RSU1: variants seen among roughly 807,000 people sequenced by gnomAD.
RSU1 encodes Ras suppressor protein 1.
Under a neutral mutation model 31.1 loss-of-function variants are expected in RSU1, and 26 were observed. That is an observed-to-expected ratio of 0.84 (90% confidence interval 0.61 to 1.16). RSU1 has a LOEUF of 1.16. Among genes scored for constraint, RSU1 ranks in the 50% most tolerant of loss-of-function variants. The pLI is 0.00. For synonymous variants in RSU1, 164 were observed against 136.3 expected (o/e 1.20, Z -1.41); for missense variants, 320 against 339.1 (o/e 0.94, Z 0.44).
At chr10:16,658,552 C>T (rs893126944) in intron 8 of RSU1, among the ~76,000 whole-genome samples, 3 of 151,970 alleles carry the variant, frequency 2.0e-5, no homozygotes, top group Non-Finnish European at 4.4e-5. Flanking sequence ...GGTGAAACCC[C>T]GTCTCTACTA....
intron 7 of RSU1, among the ~76,000 whole-genome samples, chr10:16,726,664 T>C (rs760291541): frequency 1.3e-5 from 2 of 152,158 alleles, no homozygotes; most frequent in African/African-American, 2.4e-5. Flanking sequence ...AATGTTTCAG[T>C]TGGTTGAAAA....
rs145107893 is a variant in RSU1, at chr10:16,640,297, A to G, written c.732-46801T>C. On this transcript the variant is annotated intron_variant, in intron 8 of 8. Transcript: ENST00000345264. ...ATTTCACACCTCCTCTTATCTAATCATCACTTAGGTGCTGCCAAATTCTCA... is the reference window on the plus strand; with the variant it reads ...ATTTCACACCTCCTCTTATCTAATCGTCACTTAGGTGCTGCCAAATTCTCA... 3.5e-3 allele frequency among the ~76,000 whole-genome samples: 537 copies of G among 152,164 alleles called. 4 individuals are homozygous for G. Among genetic ancestry groups the G allele is most frequent in the African/African-American group, 0.012 (507 of 41,494 alleles).
chr10:16,704,604 A>AAGTC lies in RSU1; in HGVS notation c.599-9453_599-9450dup, dbSNP rs1835857983. 4.6e-5 allele frequency among the ~76,000 whole-genome samples: 7 copies of AAGTC among 152,360 alleles called. 1 individual carries two copies. The South Asian group carries it at 1.4e-3, about 32-fold the overall frequency. On this transcript the variant is annotated intron_variant, in intron 7 of 8. Coordinates refer to ENST00000345264, the MANE Select transcript of RSU1 (RefSeq NM_012425.4). ...GCACTGGGGAGTTATACACAAAAAC[A>AAGTC]AGTCACTCACCTCCCTCACAGGGCC... is the stretch of plus-strand genomic sequence containing the variant.
At chr10:16,698,703 C>A (rs1206160733) in intron 7 of RSU1, among the ~76,000 whole-genome samples, 1 of 152,186 alleles carries the variant, frequency 6.6e-6, no homozygotes, top group Non-Finnish European at 1.5e-5. Flanking sequence ...CTAACTGGAG[C>A]ACACAGGAGA....
chr10:16,669,312 TA>T (rs1475051959), intron 8 of RSU1, among the ~76,000 whole-genome samples: 2 of 152,210 alleles, frequency 1.3e-5, no homozygotes, highest in East Asian at 3.9e-4. Context: ...TGCCTCACTC[TA>T]AAAGGCCCAT....
intron 7 of RSU1, among the ~76,000 whole-genome samples, chr10:16,712,684 G>A (rs1240790276): frequency 6.6e-6 from 1 of 152,108 alleles, no homozygotes; most frequent in African/African-American, 2.4e-5. Context: ...AAGTGTGGTT[G>A]TTGTTGTTTT....
intron 8 of RSU1, among the ~76,000 whole-genome samples, chr10:16,604,235 C>G (rs980169091): frequency 3.3e-5 from 5 of 152,134 alleles, no homozygotes; most frequent in African/African-American, 4.8e-5. Context: ...CAGAATAGAT[C>G]GAAGCAGAAA....
At chr10:16,761,093 C>T (rs557382475) in intron 4 of RSU1, among the ~76,000 whole-genome samples, 11 of 152,276 alleles carry the variant, frequency 7.2e-5, no homozygotes, top group South Asian at 2.1e-4. Context: ...ATCACAGGCA[C>T]GTGCCACCAC....
At chr10:16,675,145 G>A (rs2131542479) in intron 8 of RSU1, among the ~76,000 whole-genome samples, 1 of 151,422 alleles carries the variant, frequency 6.6e-6, no homozygotes, top group Non-Finnish European at 1.5e-5. Flanking sequence ...GGCGGAGGTT[G>A]CGGTGAGATT....
In RSU1 at chr10:16,722,831, C is replaced by CACATATATGTATATATACACACATATAT. The variant is rs201971639; in HGVS notation, c.599-27704_599-27677dup. ...ATACACATATATACATGTATACAGC[C>CACATATATGTATATATACACACATATAT]ACATATATGTATATATACACACATA... On this transcript the variant is annotated intron_variant, in intron 7 of 8. Transcript: ENST00000345264. Among the ~76,000 whole-genome samples the CACATATATGTATATATACACACATATAT allele has an allele frequency of 4.3e-3, 527 of 121,290 alleles. 5 individuals are homozygous for CACATATATGTATATATACACACATATAT. Among genetic ancestry groups the CACATATATGTATATATACACACATATAT allele is most frequent in the Admixed American group, 0.039 (428 of 10,924 alleles). 79.6% of individuals were successfully genotyped at this position (121,290 alleles called of 152,430 possible).
chr10:16,644,714 A>G (rs1834504730), intron 8 of RSU1, among the ~76,000 whole-genome samples: 1 of 152,214 alleles, frequency 6.6e-6, no homozygotes, highest in African/African-American at 2.4e-5. Flanking sequence ...GGGAATATTT[A>G]TGGTGAACAG....
At chr10:16,662,494 T>C (rs1309787079) in intron 8 of RSU1, among the ~76,000 whole-genome samples, 1 of 152,212 alleles carries the variant, frequency 6.6e-6, no homozygotes, top group Non-Finnish European at 1.5e-5. Context: ...CCTAATAAAA[T>C]TACACTGACA....
Position 16,816,370 on chromosome 10 carries a change from G to A in RSU1, c.109+603C>T, listed in dbSNP as rs901140669. On this transcript the variant is annotated intron_variant, in intron 2 of 8. Coordinates refer to ENST00000345264, the MANE Select transcript of RSU1 (RefSeq NM_012425.4). ...GCAATCCCTGGTTTTAAGGGAGAGGGTAACACCATAGACAGGGGTTACAGG... is the reference window on the plus strand; with the variant it reads ...GCAATCCCTGGTTTTAAGGGAGAGGATAACACCATAGACAGGGGTTACAGG... Among the ~76,000 whole-genome samples the A allele has an allele frequency of 1.3e-4, 20 of 152,216 alleles. No individual in the cohort carries two copies. In the East Asian group the frequency reaches 3.3e-3, roughly 25 times the overall value.
chr10:16,655,062 A>G (rs1026632032), intron 8 of RSU1, among the ~76,000 whole-genome samples: 16 of 128,424 alleles, frequency 1.2e-4, no homozygotes, highest in Admixed American at 2.3e-4. Flanking sequence ...CCTTAAAAAA[A>G]AAAAAAAAAA....
intron 7 of RSU1, among the ~76,000 whole-genome samples, chr10:16,700,809 C>A (rs930927889): frequency 6.6e-6 from 1 of 152,164 alleles, no homozygotes; most frequent in Non-Finnish European, 1.5e-5. Flanking sequence ...GAATAATGTG[C>A]TATAGCCATA....
At chr10:16,717,617 A>T (rs1281855870) in intron 7 of RSU1, among the ~76,000 whole-genome samples, 2 of 152,214 alleles carry the variant, frequency 1.3e-5, no homozygotes, top group Non-Finnish European at 2.9e-5. Context: ...AATCTGAGAA[A>T]AGCAAAAACA....
At chr10:16,654,815 C>T (rs1834748808) in intron 8 of RSU1, among the ~76,000 whole-genome samples, 1 of 151,422 alleles carries the variant, frequency 6.6e-6, no homozygotes, top group South Asian at 2.1e-4. Context: ...TCCGAGCGCT[C>T]CTGGAAGCCA....
At chr10:16,783,019 T>C (rs1248294688) in intron 2 of RSU1, among the ~76,000 whole-genome samples, 1 of 151,952 alleles carries the variant, frequency 6.6e-6, no homozygotes, top group Non-Finnish European at 1.5e-5. Context: ...CAAATGATTC[T>C]CCTGCCTCAG....
At chr10:16,791,719 AT>A (rs1837919653) in intron 2 of RSU1, among the ~76,000 whole-genome samples, 1 of 152,154 alleles carries the variant, frequency 6.6e-6, no homozygotes, top group East Asian at 1.9e-4. Context: ...GGAAGCAGGT[AT>A]CAGTATTTGA....
Sources: allele counts gnomAD v4.1 joint callset (sites outside exome capture counted in the v4.1 genomes callset), GRCh38; gene constraint gnomAD v4.1.1; transcripts MANE v1.5; gene names NCBI Gene and HGNC (gene_info 2026-07-23, HGNC 2026-07-21).